Variants in MB21D2 observed in about 807,000 individuals in gnomAD.
MB21D2 encodes the protein Mab-21 domain containing 2.
A neutral mutation model predicts 33.3 loss-of-function variants in MB21D2; 9 were observed. The observed-to-expected ratio is 0.27, with a 90% CI of 0.16 to 0.47. The LOEUF is 0.47. Among genes scored for constraint, MB21D2 ranks in the 20% least tolerant of loss-of-function variants. The pLI, the probability that MB21D2 is intolerant of heterozygous loss-of-function variation, is 0.99. For synonymous variants in MB21D2, 241 were observed against 236.3 expected (o/e 1.02, Z -0.18); for missense variants, 540 against 624.6 (o/e 0.86, Z 1.44).
chr3:192,799,575 C>A lies in MB21D2; in HGVS notation c.287G>T (p.Gly96Val). The change falls in exon 2 of 2, where the codon GGC becomes GTC. Residue 96 changes from glycine to valine, a missense_variant. Physicochemically the swap from Gly to Val is moderately radical, Grantham distance 109. Transcript: ENST00000392452. The surrounding 1 kb of genome is among the most constrained non-coding windows in gnomAD (Gnocchi z 4.1). ...CTCATCTAAGTCCAGGTCCACCACGCCTTCCCGGACACCTCCAGAGAGCAA... is the reference window on the plus strand; with the variant it reads ...CTCATCTAAGTCCAGGTCCACCACGACTTCCCGGACACCTCCAGAGAGCAA... ...YLLLSGGVREGVVDLDLDELN... is the reference protein window; with the variant it reads ...YLLLSGGVREVVVDLDLDELN... 1.2e-6 allele frequency: 2 copies of A among 1,614,196 alleles called. No homozygotes were observed. The highest frequency in any genetic ancestry group is 1.7e-6 in the Non-Finnish European group (2 of 1,180,038).
chr3:192,807,234 C>T (rs1560226108), intron 1 of MB21D2, among the ~76,000 whole-genome samples: 1 of 151,832 alleles, frequency 6.6e-6, no homozygotes, highest in Non-Finnish European at 1.5e-5. Flanking sequence ...TCTTATTAGC[C>T]CTACCTAGCA....
chr3:192,917,549 C>G (rs1714496171), intron 1 of MB21D2, 81 bp downstream of exon 1: 3 of 1,475,204 alleles, frequency 2.0e-6, no homozygotes, highest in South Asian at 1.2e-5. Flanking sequence ...GGGAAGAGGT[C>G]GAGAAGCGGC....
intron 1 of MB21D2, among the ~76,000 whole-genome samples, chr3:192,851,891 C>A (rs1002765259): frequency 1.3e-5 from 2 of 152,188 alleles, no homozygotes; most frequent in Non-Finnish European, 2.9e-5. Context: ...TCTAAAGTAT[C>A]CAACACAAAG....
chr3:192,850,873 G>A (rs1218297390), intron 1 of MB21D2, among the ~76,000 whole-genome samples: 2 of 152,160 alleles, frequency 1.3e-5, no homozygotes, highest in East Asian at 1.9e-4. Flanking sequence ...TTCCTCCCAC[G>A]TTTACACTCA....
intron 1 of MB21D2, among the ~76,000 whole-genome samples, chr3:192,839,014 A>G (rs1452792060): frequency 6.6e-6 from 1 of 152,176 alleles, no homozygotes; most frequent in Non-Finnish European, 1.5e-5. Flanking sequence ...AGCTATGTAC[A>G]CCACTTAGCC....
At chr3:192,823,523 C>T (rs762490104) in intron 1 of MB21D2, among the ~76,000 whole-genome samples, 6 of 152,032 alleles carry the variant, frequency 3.9e-5, no homozygotes, top group Non-Finnish European at 7.4e-5. Context: ...GGTGTGGTGG[C>T]GCATGCCTGT....
intron 1 of MB21D2, among the ~76,000 whole-genome samples, chr3:192,840,415 C>CTTTTT (rs71177380): frequency 0.033 from 2,890 of 88,172 alleles, 10 homozygotes; most frequent in Middle Eastern, 0.053. Flanking sequence ...TCTCTTTTTT[C>CTTTTT]TTTTTTTTTT....
At chr3:192,913,459 T>G (rs949667320) in intron 1 of MB21D2, among the ~76,000 whole-genome samples, 3 of 152,188 alleles carry the variant, frequency 2.0e-5, no homozygotes, top group African/African-American at 7.2e-5. Context: ...TCTTTTTTAG[T>G]TAGCAAAGTA....
intron 1 of MB21D2, among the ~76,000 whole-genome samples, chr3:192,830,633 T>C (rs772623883): frequency 6.6e-6 from 1 of 152,174 alleles, no homozygotes; most frequent in Non-Finnish European, 1.5e-5. Flanking sequence ...AAGTACATCT[T>C]GAGAAGGAGA....
At chr3:192,800,911 C>A (rs933772541) in intron 1 of MB21D2, among the ~76,000 whole-genome samples, 4 of 152,164 alleles carry the variant, frequency 2.6e-5, no homozygotes, top group Non-Finnish European at 4.4e-5. Context: ...GCTGAAATTT[C>A]TAAGGGAAAA....
intron 1 of MB21D2, among the ~76,000 whole-genome samples, chr3:192,848,621 A>G (rs1712720910): frequency 6.6e-6 from 1 of 152,256 alleles, no homozygotes; most frequent in African/African-American, 2.4e-5. Flanking sequence ...CATATTTCTA[A>G]CGTGAATAAA....
At chr3:192,827,974 G>A (rs1465357859) in intron 1 of MB21D2, among the ~76,000 whole-genome samples, 3 of 152,046 alleles carry the variant, frequency 2.0e-5, no homozygotes, top group Admixed American at 1.3e-4. Context: ...TCGTGGTAGT[G>A]AATAAGTCTC....
At chr3:192,810,610 T>C (rs1225492498) in intron 1 of MB21D2, among the ~76,000 whole-genome samples, 1 of 152,206 alleles carries the variant, frequency 6.6e-6, no homozygotes, top group Admixed American at 6.5e-5. Context: ...GATATAATAG[T>C]AAAATAAATT....
intron 1 of MB21D2, among the ~76,000 whole-genome samples, chr3:192,861,723 G>A (rs1165269773): frequency 6.6e-6 from 1 of 152,176 alleles, no homozygotes. Flanking sequence ...AGAATCACTT[G>A]AACCCGGGAG....
intron 1 of MB21D2, among the ~76,000 whole-genome samples, chr3:192,881,412 G>T (rs555723186): frequency 1.3e-5 from 2 of 152,016 alleles, no homozygotes; most frequent in Non-Finnish European, 2.9e-5. Flanking sequence ...CTTCCAGCTC[G>T]ATGTTTTATG....
chr3:192,843,644 C>G (rs1712619354), intron 1 of MB21D2, among the ~76,000 whole-genome samples: 1 of 152,136 alleles, frequency 6.6e-6, no homozygotes, highest in African/African-American at 2.4e-5. Flanking sequence ...ACAGCTGGGT[C>G]AGGGAAGAGA....
chr3:192,852,207 G>T (rs181499659), intron 1 of MB21D2, among the ~76,000 whole-genome samples: 170 of 152,308 alleles, frequency 1.1e-3, no homozygotes, highest in Non-Finnish European at 2.0e-3. Context: ...TTCACACTCA[G>T]AGACACCACT....
In MB21D2 at chr3:192,884,523, C is replaced by T. The variant is rs540260429; in HGVS notation, c.211+33107G>A. 9.0e-3 allele frequency among the ~76,000 whole-genome samples: 1,119 copies of T among 124,566 alleles called. 9 individuals carry two copies. The highest frequency in any genetic ancestry group is 0.014 in the Non-Finnish European group (821 of 57,290). The allele number at this position is 124,566 out of a possible 152,430, so 81.7% of individuals were successfully genotyped here. On this transcript the variant is annotated intron_variant, in intron 1 of 1. Transcript: ENST00000392452. Reference sequence around the variant, plus strand: ...CTGGGACTACAGGCGCCCGCCACCACGCCCGGCTAATTTTTTGTATTTTTT... The same window carrying T: ...CTGGGACTACAGGCGCCCGCCACCATGCCCGGCTAATTTTTTGTATTTTTT...
At chr3:192,800,953 G>C (rs569071356) in intron 1 of MB21D2, among the ~76,000 whole-genome samples, 70 of 152,306 alleles carry the variant, frequency 4.6e-4, no homozygotes, top group African/African-American at 1.5e-3. Context: ...CCATGAGCGT[G>C]ACATCTTCTC....
Sources: allele counts gnomAD v4.1 joint callset (sites outside exome capture counted in the v4.1 genomes callset), GRCh38; gene constraint gnomAD v4.1.1; non-coding constraint Gnocchi (gnomAD v3.1); transcripts MANE v1.5; gene names NCBI Gene and HGNC (gene_info 2026-07-23, HGNC 2026-07-21).